Variants in ACBD5 observed in about 807,000 individuals in gnomAD.
ACBD5 encodes acyl-CoA-binding domain-containing protein 5.
In ACBD5, 40 loss-of-function variants were observed where a neutral mutation model predicts 71.8. The ratio of observed to expected loss-of-function variants is 0.56; its 90% CI spans 0.43 to 0.72. The LOEUF (loss-of-function observed/expected upper bound fraction) is 0.72. ACBD5 is among the 30% of genes least tolerant of loss of function. ACBD5 has a pLI of 0.00. For missense variants in ACBD5, 559 were observed against 644.5 expected (o/e 0.87, Z 1.44); for synonymous variants, 229 against 218.6 (o/e 1.05, Z -0.42).
chr10:27,210,547 C>T (rs2060953244), intron 9 of ACBD5, among the ~76,000 whole-genome samples: 1 of 152,160 alleles, frequency 6.6e-6, no homozygotes, highest in Non-Finnish European at 1.5e-5. Flanking sequence ...CACCTGAGAT[C>T]AGGAGTTCGA....
At chr10:27,230,098 T>TA (rs11375772) in intron 4 of ACBD5, among the ~76,000 whole-genome samples, 86,893 of 143,846 alleles carry the variant, frequency 0.6, 26,329 homozygotes, top group Non-Finnish European at 0.67. Flanking sequence ...AAATTTAAGG[T>TA]AAAAAAAAAA....
chr10:27,227,009 ATTT>A (rs56406048), intron 4 of ACBD5, among the ~76,000 whole-genome samples: 10 of 78,392 alleles, frequency 1.3e-4, no homozygotes, highest in African/African-American at 2.1e-4. Context: ...TTTTTTTGCG[ATTT>A]TTTTTTTTTT....
At chr10:27,207,992 C>T (rs989046257) in intron 10 of ACBD5, among the ~76,000 whole-genome samples, 2 of 152,182 alleles carry the variant, frequency 1.3e-5, no homozygotes, top group African/African-American at 4.8e-5. Flanking sequence ...ACCTCGGCCT[C>T]CCAAAGTGTT....
chr10:27,228,859 C>G (rs1279263402), intron 4 of ACBD5, among the ~76,000 whole-genome samples: 1 of 99,508 alleles, frequency 1.0e-5, no homozygotes, highest in Non-Finnish European at 2.0e-5. Context: ...ATTGCCGTTA[C>G]CCAGGCTGGA....
intron 2 of ACBD5, among the ~76,000 whole-genome samples, chr10:27,239,810 G>A (rs1424270506): frequency 6.6e-6 from 1 of 152,140 alleles, no homozygotes; most frequent in African/African-American, 2.4e-5. Context: ...GCAGTGGCAC[G>A]ATATCGGGTC....
intron 4 of ACBD5, among the ~76,000 whole-genome samples, chr10:27,227,986 T>C (rs1169353211): frequency 1.3e-5 from 2 of 151,902 alleles, no homozygotes; most frequent in Non-Finnish European, 2.9e-5. Context: ...GTGCTGGGAT[T>C]ACAGGCATGA....
chr10:27,240,214 T>A lies in ACBD5; in HGVS notation c.181+105A>T. The stretch of plus-strand genomic sequence containing the variant: ...AGCTCCCCTTCCACTACATGGCTCC[T>A]ACACAGAAAAAAAGGCTAAATAAAC... On this transcript the variant is annotated intron_variant, in intron 2 of 12. Transcript: ENST00000396271. The surrounding 1 kb of genome is among the most constrained non-coding windows in gnomAD (Gnocchi z 4.1). The A allele has an allele frequency of 6.3e-7, 1 of 1,584,512 alleles. No individual in the cohort carries two copies.
chr10:27,241,786 C>G (rs1443432883), upstream of ACBD5, among the ~76,000 whole-genome samples: 1 of 152,002 alleles, frequency 6.6e-6, no homozygotes, highest in Non-Finnish European at 1.5e-5. Flanking sequence ...CTTTACGGGT[C>G]GTCAACCCTA....
At chr10:27,226,431 C>T (rs1344780570) in intron 4 of ACBD5, among the ~76,000 whole-genome samples, 2 of 146,282 alleles carry the variant, frequency 1.4e-5, no homozygotes, top group Non-Finnish European at 3.0e-5. Context: ...TGCACATGTA[C>T]ACACATGAGA....
At chr10:27,202,998 C>T (rs1462412874) in intron 12 of ACBD5, among the ~76,000 whole-genome samples, 1 of 70,596 alleles carries the variant, frequency 1.4e-5, no homozygotes, top group African/African-American at 6.2e-5. Context: ...TTTTTTGAGA[C>T]AGTCTCACTC....
At chr10:27,194,464 T>G (rs552961028), downstream of ACBD5, among the ~76,000 whole-genome samples, 6 of 149,272 alleles carry the variant, frequency 4.0e-5, no homozygotes, top group African/African-American at 1.5e-4. Context: ...TACAAAAAAT[T>G]AGCCAGGTGT....
intron 13 of ACBD5, among the ~76,000 whole-genome samples, chr10:27,190,012 T>C (rs1050445986): frequency 1.3e-5 from 2 of 152,050 alleles, no homozygotes; most frequent in Non-Finnish European, 2.9e-5. Flanking sequence ...AGGCTGGGCA[T>C]GGTGGCTTAC....
chr10:27,222,229 A>G (rs2062443816), intron 5 of ACBD5, among the ~76,000 whole-genome samples: 1 of 152,150 alleles, frequency 6.6e-6, no homozygotes, highest in African/African-American at 2.4e-5. Flanking sequence ...GGCGATTTTT[A>G]TTTAAAGGGT....
intron 12 of ACBD5, among the ~76,000 whole-genome samples, chr10:27,200,246 T>C (rs138039553): frequency 0.03 from 4,538 of 152,154 alleles, 72 homozygotes; most frequent in African/African-American, 0.033. Context: ...AAAACCAAGA[T>C]GGTGATGAGA....
chr10:27,205,933 G>A (rs1329615368), intron 10 of ACBD5, among the ~76,000 whole-genome samples: 1 of 151,930 alleles, frequency 6.6e-6, no homozygotes, highest in East Asian at 1.9e-4. Flanking sequence ...TTGTATTTTT[G>A]TAGAGATGAG....
chr10:27,189,252 C>A (rs529860850), intron 13 of ACBD5, among the ~76,000 whole-genome samples: 1 of 152,352 alleles, frequency 6.6e-6, no homozygotes, highest in African/African-American at 2.4e-5. Flanking sequence ...TGGTCTCAAA[C>A]TCCGGACTTC....
intron 4 of ACBD5, among the ~76,000 whole-genome samples, chr10:27,231,043 C>T (rs1220058808): frequency 7.9e-5 from 12 of 152,094 alleles, no homozygotes; most frequent in Admixed American, 7.9e-4. Context: ...CCTCAATTTA[C>T]GAGTGAAAAC....
chr10:27,231,694 A>G, intron 4 of ACBD5, 54 bp downstream of exon 4: 1 of 1,520,960 alleles, frequency 6.6e-7, no homozygotes, highest in Non-Finnish European at 9.1e-7. Context: ...TGATAACCAA[A>G]TTAAATTAGA....
intron 13 of ACBD5, among the ~76,000 whole-genome samples, chr10:27,184,783 A>G (rs972991525): frequency 6.6e-6 from 1 of 151,626 alleles, no homozygotes; most frequent in East Asian, 1.9e-4. Context: ...CTGGTCTCGA[A>G]CTCCTGACCT....
Sources: gnomAD v4.1 joint callset for allele counts (sites outside exome capture counted in the v4.1 genomes callset) on GRCh38, gnomAD v4.1.1 for gene constraint, Gnocchi (gnomAD v3.1) non-coding constraint, MANE v1.5 for transcripts, NCBI Gene and HGNC (gene_info 2026-07-23, HGNC 2026-07-21) for gene names.